The following EPHB1 variants were observed in gnomAD, a reference collection of about 807,000 sequenced individuals.
EPHB1 encodes the protein EPH receptor B1, also known as ephrin type-B receptor 1.
A neutral mutation model predicts 94.4 loss-of-function variants in EPHB1; 30 were observed. The observed-to-expected ratio is 0.32, with a 90% CI of 0.24 to 0.43. The LOEUF (loss-of-function observed/expected upper bound fraction) is 0.43, where lower values mean the gene tolerates loss of function less well. Ranked by LOEUF, EPHB1 falls within the 20% of genes least tolerant of loss-of-function variation. The pLI is 1.00. For synonymous variants in EPHB1, 522 were observed against 489.1 expected, an observed-to-expected ratio of 1.07 and a Z score of -0.89; for missense variants, 1,055 against 1,308.3, an observed-to-expected ratio of 0.81 and a Z score of 2.99.
At chr3:134,857,477 C>G (rs1194047910) in intron 1 of EPHB1, among the ~76,000 whole-genome samples, 1 of 152,136 alleles carries the variant, frequency 6.6e-6, no homozygotes. Context: ...CGGGTGTCAG[C>G]CCTGGGGTCC....
chr3:135,155,708 T>G (rs763028659), intron 6 of EPHB1, among the ~76,000 whole-genome samples: 2 of 140,086 alleles, frequency 1.4e-5, no homozygotes, highest in Non-Finnish European at 3.0e-5. Flanking sequence ...GAGAATCACT[T>G]GAACCCAGGA....
chr3:135,253,221 A>C lies in EPHB1; in HGVS notation c.2846+3730A>C, dbSNP rs1253467047. On this transcript the variant is annotated intron_variant, in intron 15 of 15. Transcript: ENST00000398015. ...TGCAGAAGCTCTTGAGTTTAATTAG[A>C]TCCCATTTGTCAATTTTGGCTTTTG... 1.9e-3 allele frequency among the ~76,000 whole-genome samples: 290 copies of C among 150,834 alleles called. 1 individual carries two copies. Among genetic ancestry groups the C allele is most frequent in the Admixed American group, 4.0e-3 (61 of 15,212 alleles).
intron 2 of EPHB1, among the ~76,000 whole-genome samples, chr3:134,942,847 C>T (rs761263455): frequency 1.3e-5 from 2 of 152,200 alleles, no homozygotes; most frequent in Non-Finnish European, 2.9e-5. Context: ...ATAAATTAGT[C>T]AAAGTTTAAT....
chr3:135,229,984 CA>C (rs1365645984), intron 12 of EPHB1, among the ~76,000 whole-genome samples: 1 of 152,120 alleles, frequency 6.6e-6, no homozygotes, highest in African/African-American at 2.4e-5. Context: ...GGGAAAGGCC[CA>C]GGGGTCACTG....
chr3:134,918,764 A>C (rs2038620621), intron 1 of EPHB1, among the ~76,000 whole-genome samples: 1 of 152,208 alleles, frequency 6.6e-6, no homozygotes, highest in East Asian at 1.9e-4. Flanking sequence ...GGCTGGTTCC[A>C]GTTTTTCTCA....
intron 1 of EPHB1, among the ~76,000 whole-genome samples, chr3:134,864,290 G>A (rs2037326527): frequency 6.6e-6 from 1 of 152,140 alleles, no homozygotes; most frequent in African/African-American, 2.4e-5. Context: ...GGTTCCCAAA[G>A]GCCAGGGGTC....
chr3:134,982,863 C>T (rs1333680046), intron 3 of EPHB1, among the ~76,000 whole-genome samples: 3 of 152,014 alleles, frequency 2.0e-5, no homozygotes, highest in Non-Finnish European at 4.4e-5. Context: ...AGCCTCTGGC[C>T]TGTGCAGTTA....
At chr3:135,055,644 A>C (rs1937326535) in intron 3 of EPHB1, among the ~76,000 whole-genome samples, 1 of 152,162 alleles carries the variant, frequency 6.6e-6, no homozygotes, top group African/African-American at 2.4e-5. Context: ...GTTGCTTTCT[A>C]AAAGGTAGTC....
intron 3 of EPHB1, among the ~76,000 whole-genome samples, chr3:135,040,083 C>G (rs1239356062): frequency 6.6e-6 from 1 of 152,170 alleles, no homozygotes. Flanking sequence ...AATTCCTGAC[C>G]TGCAAAATCT....
rs551889000 is a variant in EPHB1, at chr3:134,818,554, G to T, written c.58+22865G>T. On this transcript the variant is annotated intron_variant, in intron 1 of 15. Coordinates refer to ENST00000398015, the MANE Select transcript of EPHB1 (RefSeq NM_004441.5). Reference sequence around the variant, plus strand: ...CAACTCTTCCCTCTCTTACCCCAAAGTCCCCAAAATCCATTGTATCCTTGT... The same window carrying T: ...CAACTCTTCCCTCTCTTACCCCAAATTCCCCAAAATCCATTGTATCCTTGT... 2.6e-5 allele frequency among the ~76,000 whole-genome samples: 4 copies of T among 152,162 alleles called. No homozygotes were observed. The East Asian group carries it at 7.7e-4, about 29-fold the overall frequency.
intron 3 of EPHB1, among the ~76,000 whole-genome samples, chr3:135,025,317 C>T (rs1443553253): frequency 7.9e-6 from 1 of 126,502 alleles, no homozygotes; most frequent in African/African-American, 2.8e-5. Context: ...CCCACTAACT[C>T]GTCATCTAGC....
At chr3:134,985,217 G>T (rs1197960283) in intron 3 of EPHB1, among the ~76,000 whole-genome samples, 1 of 152,034 alleles carries the variant, frequency 6.6e-6, no homozygotes, top group Non-Finnish European at 1.5e-5. Context: ...TCCATGGTGC[G>T]ATCTCAGCTC....
chr3:135,043,962 T>G (rs1936925057), intron 3 of EPHB1, among the ~76,000 whole-genome samples: 1 of 152,224 alleles, frequency 6.6e-6, no homozygotes, highest in Non-Finnish European at 1.5e-5. Flanking sequence ...TTTGCAGGTC[T>G]GAATGTCAGG....
intron 12 of EPHB1, among the ~76,000 whole-genome samples, chr3:135,234,517 C>T (rs1395217952): frequency 2.6e-5 from 4 of 152,324 alleles, no homozygotes; most frequent in Admixed American, 1.3e-4. Flanking sequence ...ACCACATTTT[C>T]AGGTATCCTT....
At chr3:134,922,631 G>A (rs1050235108) in intron 1 of EPHB1, among the ~76,000 whole-genome samples, 1 of 152,098 alleles carries the variant, frequency 6.6e-6, no homozygotes, top group Non-Finnish European at 1.5e-5. Context: ...TGTTTTCCTC[G>A]CCACCATCCT....
chr3:134,991,113 T>A (rs1439727976), intron 3 of EPHB1, among the ~76,000 whole-genome samples: 2 of 152,248 alleles, frequency 1.3e-5, no homozygotes, highest in Non-Finnish European at 2.9e-5. Context: ...CCCTGCCGTT[T>A]CTTTTCATTT....
At chr3:135,146,340 G>A (rs1465631956) in intron 5 of EPHB1, among the ~76,000 whole-genome samples, 2 of 152,218 alleles carry the variant, frequency 1.3e-5, no homozygotes, top group East Asian at 1.9e-4. Flanking sequence ...AGATTAATAT[G>A]GCTACAGAGT....
At chr3:135,038,171 T>C (rs187302521) in intron 3 of EPHB1, among the ~76,000 whole-genome samples, 7 of 152,362 alleles carry the variant, frequency 4.6e-5, no homozygotes, top group Admixed American at 4.6e-4. Flanking sequence ...CCTGCTTATA[T>C]AACATGTGTG....
Position 135,259,204 on chromosome 3 carries a change from GGA to G in EPHB1, c.*89_*90del. On this transcript the variant is annotated 3_prime_UTR_variant, in exon 16 of 16. Transcript: ENST00000398015. The stretch of plus-strand genomic sequence containing the variant: ...GAGGTTGACCACTGTGGAATGTACT[GGA>G]GAGACTGGCTTCTCAGCTGAGGAAT... The G allele has an allele frequency of 9.5e-7, 1 of 1,052,910 alleles. No homozygotes were observed. Among genetic ancestry groups the G allele is most frequent in the Non-Finnish European group, 1.4e-6 (1 of 710,588 alleles). The allele number at this position is 1,052,910 out of a possible 1,614,324, so 65.2% of individuals were successfully genotyped here.
Sources: allele counts gnomAD v4.1 joint callset (sites outside exome capture counted in the v4.1 genomes callset), GRCh38; gene constraint gnomAD v4.1.1; transcripts MANE v1.5; gene names NCBI Gene and HGNC (gene_info 2026-07-23, HGNC 2026-07-21).